CDH13: variants seen among roughly 807,000 people sequenced by gnomAD.
The protein encoded by CDH13 is cadherin-13.
Under a neutral mutation model 63.8 loss-of-function variants are expected in CDH13, and 24 were observed. That is an observed-to-expected ratio of 0.38 (90% CI 0.27 to 0.53). CDH13 has a LOEUF of 0.53. Ranked by LOEUF, CDH13 falls within the 20% of genes least tolerant of loss-of-function variation. CDH13 has a pLI of 0.85. For synonymous variants in CDH13, 503 were observed against 355.3 expected (o/e 1.42, Z -4.67); for missense variants, 1,049 against 903.1 (o/e 1.16, Z -2.07).
intron 1 of CDH13, among the ~76,000 whole-genome samples, chr16:82,720,720 G>A (rs2032718124): frequency 6.6e-6 from 1 of 151,764 alleles, no homozygotes; most frequent in Non-Finnish European, 1.5e-5. Context: ...CAACATTGAA[G>A]AAAACAGCAT....
intron 6 of CDH13, among the ~76,000 whole-genome samples, chr16:83,485,554 C>A (rs1014921520): frequency 5.3e-5 from 8 of 152,182 alleles, no homozygotes; most frequent in Non-Finnish European, 1.0e-4. Flanking sequence ...AGTGTTTGCT[C>A]TCATTCCCTT....
chr16:82,886,101 T>C (rs910068160), intron 2 of CDH13, among the ~76,000 whole-genome samples: 3 of 152,244 alleles, frequency 2.0e-5, no homozygotes, highest in Non-Finnish European at 4.4e-5. Flanking sequence ...TCCATCTGTT[T>C]CATCAGCTCA....
At position 83,670,881 on chromosome 16, in the gene CDH13, C is replaced by T; in HGVS notation, c.1193C>T (p.Ala398Val). 1 of 1,613,750 alleles carries T rather than the reference C, an allele frequency of 6.2e-7. No homozygotes were observed. Among genetic ancestry groups the T allele is most frequent in the Non-Finnish European group, 8.5e-7 (1 of 1,179,720 alleles). ...GACCCCACCACAGGTGCATGGAGGG[C>T]TGCCTACACCATCATCAACGGAAAC... ...KDDPTTGAWR[A>V]AYTIINGNPG... Residue 398 changes from alanine to valine, a missense_variant, in exon 9 of 14, where the codon GCT becomes GTT. Ala to Val is a moderately conservative substitution (Grantham distance 64). Coordinates refer to ENST00000567109, the MANE Select transcript of CDH13 (RefSeq NM_001257.5).
At chr16:83,606,744 T>TAC in intron 8 of CDH13, among the ~76,000 whole-genome samples, 1 of 133,868 alleles carries the variant, frequency 7.5e-6, no homozygotes, top group Non-Finnish European at 1.5e-5. Flanking sequence ...AAAAAAAAGT[T>TAC]TGCAGGTAGA....
At chr16:83,745,566 A>C (rs541977375) in intron 10 of CDH13, among the ~76,000 whole-genome samples, 2 of 152,300 alleles carry the variant, frequency 1.3e-5, no homozygotes, top group South Asian at 2.1e-4. Context: ...CTGGGTCGCC[A>C]TGAGGCTTGT....
chr16:83,610,625 G>T (rs189146858), intron 8 of CDH13, among the ~76,000 whole-genome samples: 1 of 152,062 alleles, frequency 6.6e-6, no homozygotes, highest in Non-Finnish European at 1.5e-5. Flanking sequence ...ACTAACTTTT[G>T]TGAGACTTAT....
At chr16:83,050,241 G>A (rs905383569) in intron 3 of CDH13, among the ~76,000 whole-genome samples, 3 of 152,108 alleles carry the variant, frequency 2.0e-5, no homozygotes, top group African/African-American at 7.2e-5. Context: ...TTTATACCTA[G>A]GAGTGGAATT....
chr16:82,913,820 G>A (rs1258409055), intron 2 of CDH13, among the ~76,000 whole-genome samples: 1 of 152,070 alleles, frequency 6.6e-6, no homozygotes, highest in Non-Finnish European at 1.5e-5. Flanking sequence ...GGGAGGGGAA[G>A]CCACCTAGCT....
chr16:82,658,272 C>A (rs562466930), intron 1 of CDH13, among the ~76,000 whole-genome samples: 2 of 152,326 alleles, frequency 1.3e-5, no homozygotes, highest in African/African-American at 4.8e-5. Context: ...AGGTATTATG[C>A]TTCCCATTTT....
At chr16:83,683,577 A>G (rs1260345917) in intron 10 of CDH13, among the ~76,000 whole-genome samples, 1 of 152,180 alleles carries the variant, frequency 6.6e-6, no homozygotes, top group African/African-American at 2.4e-5. Context: ...ATAGTGTGCT[A>G]TTATTCCATT....
intron 10 of CDH13, among the ~76,000 whole-genome samples, chr16:83,720,161 C>T (rs1263348687): frequency 6.6e-6 from 1 of 152,082 alleles, no homozygotes; most frequent in Non-Finnish European, 1.5e-5. Flanking sequence ...CTCTGCCTGA[C>T]CTTGATCCAG....
Position 83,795,140 on chromosome 16 carries a change from G to A in CDH13, c.*110G>A, listed in dbSNP as rs1185891998. Reference sequence around the variant, plus strand: ...TTACAGCTATCGAACTTCACAACTAGGCCTCAATTGTTCCGGTTTTTTATT... The same window carrying A: ...TTACAGCTATCGAACTTCACAACTAAGCCTCAATTGTTCCGGTTTTTTATT... On this transcript the variant is annotated 3_prime_UTR_variant, in exon 14 of 14. Coordinates refer to ENST00000567109, the MANE Select transcript of CDH13 (RefSeq NM_001257.5). The A allele has an allele frequency of 1.2e-6, 1 of 842,176 alleles. No individual in the cohort carries two copies. The highest frequency in any genetic ancestry group is 1.9e-6 in the Non-Finnish European group (1 of 538,222). 52.2% of individuals were successfully genotyped at this position (842,176 alleles called of 1,614,324 possible). A position where few individuals can be genotyped will look rare whatever the true frequency, so the allele number is the denominator to read the frequency against.
chr16:83,227,995 TAGAC>T (rs2039892722), intron 5 of CDH13, among the ~76,000 whole-genome samples: 1 of 151,996 alleles, frequency 6.6e-6, no homozygotes, highest in Non-Finnish European at 1.5e-5. Flanking sequence ...GTGCTGGGAA[TAGAC>T]ACGGAGCCGA....
intron 5 of CDH13, among the ~76,000 whole-genome samples, chr16:83,296,743 G>C (rs1178558571): frequency 6.6e-6 from 1 of 152,114 alleles, no homozygotes; most frequent in Non-Finnish European, 1.5e-5. Context: ...ACTACTATTT[G>C]AATATTTCAC....
intron 2 of CDH13, among the ~76,000 whole-genome samples, chr16:82,916,264 G>A (rs898496887): frequency 6.6e-6 from 1 of 152,110 alleles, no homozygotes; most frequent in Non-Finnish European, 1.5e-5. Context: ...AGAGATTCGT[G>A]TAAAATGATT....
intron 6 of CDH13, among the ~76,000 whole-genome samples, chr16:83,449,141 G>A (rs1319556541): frequency 2.6e-5 from 4 of 152,064 alleles, no homozygotes; most frequent in Non-Finnish European, 4.4e-5. Flanking sequence ...CATTCCTCTG[G>A]ACAAAATAAA....
At chr16:83,756,539 A>G (rs1200522920) in intron 11 of CDH13, among the ~76,000 whole-genome samples, 1 of 152,240 alleles carries the variant, frequency 6.6e-6, no homozygotes, top group Admixed American at 6.5e-5. Context: ...TTTAAACAAC[A>G]TTATGAAATT....
chr16:83,434,561 C>T (rs947683353), intron 6 of CDH13, among the ~76,000 whole-genome samples: 2 of 151,976 alleles, frequency 1.3e-5, no homozygotes, highest in African/African-American at 2.4e-5. Flanking sequence ...CTCCTCCACT[C>T]CCTCCATCTC....
chr16:83,006,222 C>T (rs886983325), intron 2 of CDH13, among the ~76,000 whole-genome samples: 1 of 152,164 alleles, frequency 6.6e-6, no homozygotes, highest in Non-Finnish European at 1.5e-5. Context: ...AAAGACCCAA[C>T]ACAATAGCAA....
Sources: allele counts gnomAD v4.1 joint callset (sites outside exome capture counted in the v4.1 genomes callset), GRCh38; gene constraint gnomAD v4.1.1; transcripts MANE v1.5; gene names NCBI Gene and HGNC (gene_info 2026-07-23, HGNC 2026-07-21).